Variants in ITGA2 observed in about 807,000 individuals in gnomAD.
The protein encoded by ITGA2 is integrin alpha-2.
ITGA2 carries 101 observed loss-of-function variants against 146.3 expected under a neutral mutation model. The ratio of observed to expected loss-of-function variants is 0.69; its 90% CI spans 0.59 to 0.81. ITGA2 has a LOEUF of 0.81. Ranked by LOEUF, ITGA2 falls within the 40% of genes least tolerant of loss-of-function variation. The probability of loss-of-function intolerance (pLI) is 0.00; values close to 1 mark genes in which losing one functional copy is unlikely to be tolerated. For synonymous variants in ITGA2, 477 were observed against 487.1 expected, an observed-to-expected ratio of 0.98 and a Z score of 0.27; for missense variants, 1,281 against 1,402.7, an observed-to-expected ratio of 0.91 and a Z score of 1.39.
chr5:53,029,965 G>C (rs1391996772), intron 2 of ITGA2, among the ~76,000 whole-genome samples: 1 of 152,180 alleles, frequency 6.6e-6, no homozygotes, highest in Non-Finnish European at 1.5e-5. Flanking sequence ...CGAGTTTGAA[G>C]CAATTCTTTT....
chr5:53,078,832 C>A lies in ITGA2; in HGVS notation c.2886C>A (p.His962Gln). The A allele has an allele frequency of 6.2e-7, 1 of 1,611,758 alleles. No individual in the cohort carries two copies. Among genetic ancestry groups the A allele is most frequent in the South Asian group, 1.1e-5 (1 of 91,010 alleles). ...ATGGGAATGTTCCTTCAATCGTGCA[C>A]AGTTTTGAAGATGTTGGTCCAAAAT... ...SSDGNVPSIVHSFEDVGPKFI... is the reference protein window; with the variant it reads ...SSDGNVPSIVQSFEDVGPKFI... The change falls in exon 24 of 30, where the codon CAC becomes CAA. Residue 962 changes from histidine to glutamine, a missense_variant. His to Gln is a conservative substitution (Grantham distance 24). Transcript: ENST00000296585.
At position 53,059,914 on chromosome 5, in the gene ITGA2, G is replaced by T; in HGVS notation, c.1214G>T (p.Ser405Ile). 1 of 1,612,256 alleles carries T rather than the reference G, an allele frequency of 6.2e-7. No homozygotes were observed. Among genetic ancestry groups the T allele is most frequent in the Non-Finnish European group, 8.5e-7 (1 of 1,178,906 alleles). ...GGTGCAGTGGGAGCTTTTGGCTGGAGTGGGACCATTGTCCAGAAGACATCT... is the reference window on the plus strand; with the variant it reads ...GGTGCAGTGGGAGCTTTTGGCTGGATTGGGACCATTGTCCAGAAGACATCT... The part of the protein sequence containing the change: ...MLGAVGAFGW[S>I]GTIVQKTSHG... Residue 405 changes from serine (S) to isoleucine (I), a missense_variant, in exon 11 of 30, where the codon AGT becomes ATT. Ser to Ile is a moderately radical substitution (Grantham distance 142). Coordinates refer to ENST00000296585, the MANE Select transcript of ITGA2 (RefSeq NM_002203.4).
At chr5:53,004,894 GTTTTTTTT>G (rs548541753) in intron 1 of ITGA2, among the ~76,000 whole-genome samples, 23 of 55,934 alleles carry the variant, frequency 4.1e-4, no homozygotes, top group African/African-American at 9.3e-4. Context: ...TAGTTGCTTT[GTTTTTTTT>G]TTTTTTTTTT....
chr5:53,023,644 A>C (rs570690515), intron 1 of ITGA2, among the ~76,000 whole-genome samples: 1 of 152,294 alleles, frequency 6.6e-6, no homozygotes, highest in Non-Finnish European at 1.5e-5. Context: ...TCCATTTTTT[A>C]AGTATGTATA....
At chr5:53,027,294 A>G (rs953450063) in intron 2 of ITGA2, among the ~76,000 whole-genome samples, 1 of 152,132 alleles carries the variant, frequency 6.6e-6, no homozygotes, top group African/African-American at 2.4e-5. Flanking sequence ...TTCTTTAGCA[A>G]GGTTTTGTCT....
intron 1 of ITGA2, among the ~76,000 whole-genome samples, chr5:53,004,894 G>GTTTTTTTTTTTTTTTTTTTT (rs548541753): frequency 1.8e-5 from 1 of 55,924 alleles, no homozygotes; most frequent in African/African-American, 9.3e-5. Context: ...TAGTTGCTTT[G>GTTTTTTTTTTTTTTTTTTTT]TTTTTTTTTT....
chr5:52,994,757 C>G (rs193175965), intron 1 of ITGA2, among the ~76,000 whole-genome samples: 18 of 152,210 alleles, frequency 1.2e-4, no homozygotes, highest in Admixed American at 7.2e-4. Flanking sequence ...TTGGTTATAT[C>G]ATTTTCTATA....
intron 17 of ITGA2, among the ~76,000 whole-genome samples, chr5:53,071,453 G>A (rs542328897): frequency 6.6e-6 from 1 of 151,888 alleles, no homozygotes; most frequent in East Asian, 2.0e-4. Context: ...GCCAGCCAAG[G>A]AAACATCTCC....
rs1227005395 is a variant in ITGA2 at position 53,049,213 on chromosome 5, T to C, written c.630+443T>C. Among the ~76,000 whole-genome samples, 3 of 151,326 alleles carry C rather than the reference T, an allele frequency of 2.0e-5. No homozygotes were observed. In the East Asian group the frequency reaches 5.8e-4, roughly 29 times the overall value. ...TTTTAGTAGAAACAGGATTTCACCA[T>C]GTTGGCCAGGCTGGCCTTGAACTCC... On this transcript the variant is annotated intron_variant, in intron 6 of 29. Coordinates refer to ENST00000296585, the MANE Select transcript of ITGA2 (RefSeq NM_002203.4).
chr5:53,045,215 C>T, intron 4 of ITGA2, 123 bp downstream of exon 4: 1 of 775,684 alleles, frequency 1.3e-6, no homozygotes. Flanking sequence ...ATAAATTATG[C>T]TATTTATTTG....
intron 1 of ITGA2, among the ~76,000 whole-genome samples, chr5:52,998,249 C>A (rs1282990126): frequency 1.3e-5 from 2 of 151,964 alleles, no homozygotes; most frequent in Non-Finnish European, 2.9e-5. Context: ...GTCAGGAGTT[C>A]AAGACCAGCT....
At chr5:53,036,171 C>A (rs1051233927) in intron 2 of ITGA2, among the ~76,000 whole-genome samples, 9 of 152,170 alleles carry the variant, frequency 5.9e-5, no homozygotes, top group Non-Finnish European at 1.3e-4. Context: ...TTCTGCCAGC[C>A]CTGTATGAGC....
intron 2 of ITGA2, among the ~76,000 whole-genome samples, chr5:53,041,838 A>T (rs1414137634): frequency 6.6e-6 from 1 of 152,146 alleles, no homozygotes; most frequent in East Asian, 1.9e-4. Flanking sequence ...TTGAAATTAT[A>T]TATGTGGCTA....
In ITGA2 at chr5:53,055,568, G is replaced by A. The variant is rs1441796332; in HGVS notation, c.810G>A (p.Gly270=). 2.5e-6 allele frequency: 4 copies of A among 1,613,042 alleles called. No homozygotes were observed. The highest frequency in any genetic ancestry group is 3.3e-5 in the Admixed American group (2 of 59,928). Residue 270 remains glycine (G), a synonymous_variant, in exon 8 of 30, where the codon GGG becomes GGA. Transcript: ENST00000296585. ...RKYAYSAASG[G]RRSATKVMVV... ...ATGCTTATTCAGCAGCTTCTGGTGG[G>A]CGACGAAGTGCTACGAAAGTAATGG...
Position 52,994,641 on chromosome 5 carries a change from T to G in ITGA2, c.64+5109T>G, listed in dbSNP as rs139018502. The stretch of plus-strand genomic sequence containing the variant: ...TAAAGCTAGTATATTGGAGTTAGCC[T>G]TATGGAAAGAAATGGACTTTGATGT... On this transcript the variant is annotated intron_variant, in intron 1 of 29. Coordinates refer to ENST00000296585, the MANE Select transcript of ITGA2 (RefSeq NM_002203.4). 2.3e-3 allele frequency among the ~76,000 whole-genome samples: 350 copies of G among 152,370 alleles called. 3 individuals are homozygous for G. Among genetic ancestry groups the G allele is most frequent in the African/African-American group, 8.2e-3 (343 of 41,586 alleles).
chr5:53,091,719 G>A lies in ITGA2; in HGVS notation c.*1120G>A, dbSNP rs1427311626. On this transcript the variant is annotated 3_prime_UTR_variant, in exon 30 of 30. Transcript: ENST00000296585. ...AGTCATCTGTTTAATTTACACACTT[G>A]CATGAATTACTGTATATAAACTCCT... is the stretch of plus-strand genomic sequence containing the variant. 6.6e-6 allele frequency: 1 copy of A among 152,160 alleles called. No individual in the cohort carries two copies. The highest frequency in any genetic ancestry group is 1.5e-5 in the Non-Finnish European group (1 of 68,030). The allele number at this position is 152,160 out of a possible 1,614,324, so 9.4% of individuals were successfully genotyped here.
At chr5:53,058,000 C>A (rs370346359) in intron 9 of ITGA2, 25 bp from the exon 10 acceptor site, 19 of 1,573,904 alleles carry the variant, frequency 1.2e-5, no homozygotes, top group Non-Finnish European at 1.6e-5. Flanking sequence ...GACAGTAATA[C>A]AATTTTTAAA....
At chr5:53,090,295 A>C (rs1449693209) in intron 29 of ITGA2, among the ~76,000 whole-genome samples, 2 of 152,200 alleles carry the variant, frequency 1.3e-5, no homozygotes, top group Admixed American at 1.3e-4. Flanking sequence ...AGCTTCAAAT[A>C]AGTAGACGCT....
At chr5:53,082,479 T>C (rs1745966367) in intron 26 of ITGA2, among the ~76,000 whole-genome samples, 1 of 152,218 alleles carries the variant, frequency 6.6e-6, no homozygotes, top group Non-Finnish European at 1.5e-5. Context: ...CCTTTTGGCC[T>C]TGAACATAGG....
Sources: allele counts gnomAD v4.1 joint callset (sites outside exome capture counted in the v4.1 genomes callset), GRCh38; gene constraint gnomAD v4.1.1; transcripts MANE v1.5; gene names NCBI Gene and HGNC (gene_info 2026-07-23, HGNC 2026-07-21).